Variants in PPARGC1A observed in about 807,000 individuals in gnomAD.
PPARGC1A encodes PPARG coactivator 1 alpha.
PPARGC1A carries 25 observed loss-of-function variants against 88.7 expected under a neutral mutation model. That is an observed-to-expected ratio of 0.28 (90% CI 0.21 to 0.39). The LOEUF is 0.39. Ranked by LOEUF, PPARGC1A falls within the 10% of genes least tolerant of loss-of-function variation. PPARGC1A has a pLI of 1.00. For missense variants in PPARGC1A, 880 were observed against 968.7 expected, an observed-to-expected ratio of 0.91 and a Z score of 1.22; for synonymous variants, 363 against 355.6, an observed-to-expected ratio of 1.02 and a Z score of -0.24.
chr4:23,835,466 T>TTGTGTG (rs145407468), intron 2 of PPARGC1A, among the ~76,000 whole-genome samples: 4,173 of 135,270 alleles, frequency 0.031, 57 homozygotes, highest in African/African-American at 0.033. Flanking sequence ...GCATGGCGGC[T>TTGTGTG]TGTGTGTGTG....
the PPARGC1A span, among the ~76,000 whole-genome samples, chr4:23,961,040 A>T: frequency 6.6e-6 from 1 of 152,134 alleles, no homozygotes; most frequent in Admixed American, 6.5e-5. Flanking sequence ...TGGCTAAGAG[A>T]ATGTGTATGT....
At chr4:24,013,809 G>A in the PPARGC1A span, among the ~76,000 whole-genome samples, 2 of 152,204 alleles carry the variant, frequency 1.3e-5, no homozygotes, top group Admixed American at 1.3e-4. Flanking sequence ...GGAAGTCACA[G>A]TTGTGAAGCA....
At chr4:24,105,161 G>A in the PPARGC1A span, among the ~76,000 whole-genome samples, 1 of 152,176 alleles carries the variant, frequency 6.6e-6, no homozygotes, top group Non-Finnish European at 1.5e-5. Flanking sequence ...ATTAACACTA[G>A]AGCACAGTGA....
At chr4:24,456,481 G>A in the PPARGC1A span, among the ~76,000 whole-genome samples, 17 of 152,120 alleles carry the variant, frequency 1.1e-4, no homozygotes, top group Admixed American at 2.0e-4. Flanking sequence ...GCTAGATGAC[G>A]CTGAAGTTGA....
chr4:23,838,257 T>C (rs958377858), intron 2 of PPARGC1A, among the ~76,000 whole-genome samples: 1 of 152,140 alleles, frequency 6.6e-6, no homozygotes, highest in Middle Eastern at 3.2e-3. Flanking sequence ...GTGGGTTTTG[T>C]TTTTGCTTCT....
chr4:24,437,809 C>A, the PPARGC1A span, among the ~76,000 whole-genome samples: 1 of 151,134 alleles, frequency 6.6e-6, no homozygotes, highest in South Asian at 2.1e-4. Flanking sequence ...CCAGCTAATT[C>A]TTTGTTTCTA....
chr4:24,019,642 C>T, the PPARGC1A span, among the ~76,000 whole-genome samples: 1 of 152,296 alleles, frequency 6.6e-6, no homozygotes, highest in African/African-American at 2.4e-5. Context: ...ACCAACACCA[C>T]CAACACAATT....
the PPARGC1A span, among the ~76,000 whole-genome samples, chr4:24,068,577 A>G: frequency 6.6e-6 from 1 of 152,294 alleles, no homozygotes; most frequent in East Asian, 1.9e-4. Flanking sequence ...CTCAGCCCAC[A>G]CCACATTCAG....
At chr4:24,110,659 C>T in the PPARGC1A span, among the ~76,000 whole-genome samples, 1,615 of 152,132 alleles carry the variant, frequency 0.011, 26 homozygotes, top group African/African-American at 0.036. Context: ...TTCAAACATA[C>T]AAGGTGCAAA....
chr4:24,323,750 C>A, the PPARGC1A span, among the ~76,000 whole-genome samples: 12 of 152,206 alleles, frequency 7.9e-5, no homozygotes, highest in Non-Finnish European at 1.5e-4. Flanking sequence ...GGGGACCTCC[C>A]TTGGGAGATC....
rs1483181287 is a variant in PPARGC1A at position 23,850,687 on chromosome 4, T to C, written c.235-18936A>G. Among the ~76,000 whole-genome samples, 4 of 152,210 alleles carry C rather than the reference T, an allele frequency of 2.6e-5. No homozygotes were observed. The East Asian group carries it at 5.8e-4, about 22-fold the overall frequency. On this transcript the variant is annotated intron_variant, in intron 2 of 12. Transcript: ENST00000264867. ...CGCTCTTGCTGTGCACTAGGGATAC[T>C]GTCAAGCCCTTTCCACACGCCGCTT... is the stretch of plus-strand genomic sequence containing the variant.
the PPARGC1A span, among the ~76,000 whole-genome samples, chr4:24,091,976 T>G: frequency 6.8e-6 from 1 of 147,678 alleles, no homozygotes; most frequent in African/African-American, 2.6e-5. Flanking sequence ...CACACCAGAA[T>G]TTGCATTGTT....
At chr4:23,985,223 A>G in the PPARGC1A span, among the ~76,000 whole-genome samples, 6 of 152,086 alleles carry the variant, frequency 3.9e-5, no homozygotes, top group Non-Finnish European at 7.4e-5. Context: ...TTCTACAAGG[A>G]CACACACTCC....
chr4:24,129,571 G>C, the PPARGC1A span, among the ~76,000 whole-genome samples: 1 of 152,186 alleles, frequency 6.6e-6, no homozygotes, highest in Non-Finnish European at 1.5e-5. Flanking sequence ...TTCAACCATT[G>C]TGGAAGTCAG....
the PPARGC1A span, among the ~76,000 whole-genome samples, chr4:24,452,984 T>C: frequency 3.9e-5 from 6 of 152,214 alleles, no homozygotes; most frequent in Non-Finnish European, 8.8e-5. Flanking sequence ...TGACTGCATT[T>C]GGAGACATGG....
At chr4:24,348,575 T>A in the PPARGC1A span, among the ~76,000 whole-genome samples, 2 of 152,194 alleles carry the variant, frequency 1.3e-5, no homozygotes, top group African/African-American at 4.8e-5. Flanking sequence ...TGAATTTCTT[T>A]CTTCTGGTTG....
At chr4:24,216,142 CTTTTT>C in the PPARGC1A span, among the ~76,000 whole-genome samples, 16 of 83,220 alleles carry the variant, frequency 1.9e-4, no homozygotes, top group Admixed American at 4.1e-4. Context: ...GCAGCTAACT[CTTTTT>C]TTTTTTTTTT....
the PPARGC1A span, among the ~76,000 whole-genome samples, chr4:24,361,244 A>G: frequency 6.6e-6 from 1 of 152,158 alleles, no homozygotes; most frequent in Non-Finnish European, 1.5e-5. Context: ...CACAGGGAAA[A>G]GGGAAAGACA....
the PPARGC1A span, among the ~76,000 whole-genome samples, chr4:24,023,277 G>C: frequency 6.6e-6 from 1 of 152,032 alleles, no homozygotes; most frequent in East Asian, 1.9e-4. Flanking sequence ...TGATTCCTTT[G>C]TCAGGAAGTT....
Sources: gnomAD v4.1 joint callset for allele counts (sites outside exome capture counted in the v4.1 genomes callset) on GRCh38, gnomAD v4.1.1 for gene constraint, MANE v1.5 for transcripts, NCBI Gene and HGNC (gene_info 2026-07-23, HGNC 2026-07-21) for gene names.